Variants in PCDH9 observed in about 807,000 individuals in gnomAD.
The protein encoded by PCDH9 is protocadherin-9.
In PCDH9, 24 loss-of-function variants were observed where a neutral mutation model predicts 70.6. The observed-to-expected ratio is 0.34, with a 90% CI of 0.25 to 0.48. PCDH9 has a LOEUF of 0.48. PCDH9 is among the 20% of genes least tolerant of loss of function. The probability of loss-of-function intolerance (pLI) is 0.99; values close to 1 mark genes in which losing one functional copy is unlikely to be tolerated. For synonymous variants in PCDH9, 562 were observed against 558.5 expected (o/e 1.01, Z -0.09); for missense variants, 1,281 against 1,503.6 (o/e 0.85, Z 2.45).
At chr13:66,444,409 C>T (rs916245044) in intron 4 of PCDH9, among the ~76,000 whole-genome samples, 2 of 152,088 alleles carry the variant, frequency 1.3e-5, no homozygotes, top group African/African-American at 2.4e-5. Context: ...CATAGTGTAG[C>T]TCAGAGGCAC....
At chr13:66,916,449 A>C (rs531515583) in intron 2 of PCDH9, among the ~76,000 whole-genome samples, 1 of 151,760 alleles carries the variant, frequency 6.6e-6, no homozygotes, top group Non-Finnish European at 1.5e-5. Context: ...ATGTATTCAT[A>C]AAACACACCT....
intron 2 of PCDH9, chr13:67,209,019 C>A (rs1250628142): frequency 6.6e-6 from 1 of 152,144 alleles, no homozygotes; most frequent in African/African-American, 2.4e-5. Flanking sequence ...TCCTACCTCT[C>A]AGTATTGGCT....
intron 4 of PCDH9, among the ~76,000 whole-genome samples, chr13:66,468,729 A>C (rs1221029350): frequency 2.6e-5 from 4 of 152,118 alleles, no homozygotes; most frequent in Non-Finnish European, 4.4e-5. Context: ...ACATATTAAC[A>C]ATTAGGATAC....
intron 4 of PCDH9, among the ~76,000 whole-genome samples, chr13:66,577,708 A>C (rs2076834604): frequency 6.6e-6 from 1 of 152,004 alleles, no homozygotes; most frequent in Admixed American, 6.6e-5. Context: ...TATTTTCTTA[A>C]GTTTTTCAGT....
chr13:67,124,134 A>G lies in PCDH9; in HGVS notation c.3036+101271T>C, dbSNP rs1051907981. On this transcript the variant is annotated intron_variant, in intron 2 of 4. Transcript: ENST00000377865. Reference sequence around the variant, plus strand: ...CCATGGTTTCAAAAAAGTAAAATGCATGCACTCTTTAACTACTAAACATTG... The same window carrying G: ...CCATGGTTTCAAAAAAGTAAAATGCGTGCACTCTTTAACTACTAAACATTG... Among the ~76,000 whole-genome samples the G allele has an allele frequency of 5.3e-5, 8 of 152,278 alleles. 1 individual carries two copies. Among genetic ancestry groups the G allele is most frequent in the South Asian group, 4.1e-4 (2 of 4,832 alleles).
intron 4 of PCDH9, among the ~76,000 whole-genome samples, chr13:66,409,166 A>C (rs1446238530): frequency 6.6e-6 from 1 of 152,164 alleles, no homozygotes; most frequent in Non-Finnish European, 1.5e-5. Context: ...ATGAAAAAAA[A>C]AGGAGCCAGG....
At chr13:67,224,884 C>T in intron 2 of PCDH9, 2 of 984,786 alleles carry the variant, frequency 2.0e-6, no homozygotes, top group South Asian at 4.7e-5. Flanking sequence ...CGATCATGTG[C>T]TTCACAGCTG....
intron 3 of PCDH9, among the ~76,000 whole-genome samples, chr13:66,667,366 T>A (rs190066974): frequency 2.6e-4 from 39 of 152,332 alleles, no homozygotes; most frequent in East Asian, 5.8e-4. Flanking sequence ...ACATCCATAG[T>A]AATGGAAATA....
chr13:67,211,494 T>G (rs937013742), intron 2 of PCDH9: 1 of 152,086 alleles, frequency 6.6e-6, no homozygotes, highest in African/African-American at 2.4e-5. Flanking sequence ...AAATAAAAAT[T>G]TGAAATTTGG....
At chr13:67,155,744 G>T (rs1349803823) in intron 2 of PCDH9, among the ~76,000 whole-genome samples, 1 of 151,900 alleles carries the variant, frequency 6.6e-6, no homozygotes, top group Non-Finnish European at 1.5e-5. Context: ...ACTCTGAAAT[G>T]ACCAACAAAA....
At chr13:66,864,645 C>T (rs1009100490) in intron 3 of PCDH9, among the ~76,000 whole-genome samples, 1 of 152,162 alleles carries the variant, frequency 6.6e-6, no homozygotes, top group African/African-American at 2.4e-5. Context: ...ACTCTGCCCA[C>T]TTTTTTCCTG....
intron 2 of PCDH9, among the ~76,000 whole-genome samples, chr13:67,073,653 C>A (rs749975751): frequency 6.6e-6 from 1 of 151,862 alleles, no homozygotes; most frequent in Non-Finnish European, 1.5e-5. Flanking sequence ...AGATCTAAAA[C>A]TTTTGAGGAT....
chr13:66,947,384 C>A (rs527510252), intron 2 of PCDH9, among the ~76,000 whole-genome samples: 1 of 152,010 alleles, frequency 6.6e-6, no homozygotes, highest in Non-Finnish European at 1.5e-5. Context: ...AAAAAATAAT[C>A]TTTTCTATAA....
intron 3 of PCDH9, among the ~76,000 whole-genome samples, chr13:66,788,648 ATTTTTTTTTT>A (rs58386697): frequency 1.2e-5 from 1 of 81,886 alleles, no homozygotes; most frequent in South Asian, 4.4e-4. Context: ...CTAAACAGTA[ATTTTTTTTTT>A]TTTTTTTTTT....
rs889228939 is a variant in PCDH9 at position 66,355,884 on chromosome 13, G to A, written c.3341-50856C>T. On this transcript the variant is annotated intron_variant, in intron 4 of 4. Transcript: ENST00000377865. ...ACAATACCTTCTGGACTGTTTCTCA[G>A]GAGAAAACTTCAGTGGAAACACAGA... 5.9e-5 allele frequency among the ~76,000 whole-genome samples: 9 copies of A among 152,156 alleles called. No individual in the cohort carries two copies. In the South Asian group the frequency reaches 1.9e-3, roughly 32 times the overall value.
chr13:66,341,768 T>C (rs1027577043), intron 4 of PCDH9, among the ~76,000 whole-genome samples: 18 of 152,126 alleles, frequency 1.2e-4, no homozygotes, highest in African/African-American at 3.6e-4. Context: ...GACTTTTGTA[T>C]AGCAATGGGC....
chr13:66,687,521 T>C (rs1441202757), intron 3 of PCDH9, among the ~76,000 whole-genome samples: 1 of 151,970 alleles, frequency 6.6e-6, no homozygotes, highest in Non-Finnish European at 1.5e-5. Context: ...TCCAGTTTTA[T>C]ACATCAAATT....
intron 3 of PCDH9, among the ~76,000 whole-genome samples, chr13:66,777,443 A>G (rs1286087592): frequency 6.6e-6 from 1 of 152,144 alleles, no homozygotes; most frequent in Non-Finnish European, 1.5e-5. Context: ...AGAAAAAAAC[A>G]AACAACCCCA....
intron 2 of PCDH9, chr13:67,205,988 G>A (rs1001552740): frequency 1.3e-5 from 2 of 152,142 alleles, no homozygotes; most frequent in Middle Eastern, 3.4e-3. Flanking sequence ...TAGTGCCAAG[G>A]CGTCACCACG....
Sources: gnomAD v4.1 joint callset for allele counts (sites outside exome capture counted in the v4.1 genomes callset) on GRCh38, gnomAD v4.1.1 for gene constraint, MANE v1.5 for transcripts, NCBI Gene and HGNC (gene_info 2026-07-23, HGNC 2026-07-21) for gene names.